RUSF1: variants seen among roughly 807,000 people sequenced by gnomAD.
RUSF1 encodes RUS1 family protein C16orf58.
RUSF1 carries 58 observed loss-of-function variants against 63.0 expected under a neutral mutation model. The ratio of observed to expected loss-of-function variants is 0.92; its 90% CI spans 0.75 to 1.15. The LOEUF is 1.15. Among genes scored for constraint, RUSF1 ranks in the 50% most tolerant of loss-of-function variants. RUSF1 has a pLI of 0.00. For missense variants in RUSF1, 652 were observed against 611.0 expected (o/e 1.07, Z -0.71); for synonymous variants, 274 against 255.8 (o/e 1.07, Z -0.68).
chr16:31,491,901 A>G (rs2082571120), intron 12 of RUSF1, 108 bp downstream of exon 12: 9 of 1,236,748 alleles, frequency 7.3e-6, no homozygotes, highest in Non-Finnish European at 1.0e-5. Flanking sequence ...ACCAGGCCCA[A>G]GAACCCAAGT....
At chr16:31,503,919 C>T (rs375664755) in intron 2 of RUSF1, among the ~76,000 whole-genome samples, 2 of 152,238 alleles carry the variant, frequency 1.3e-5, no homozygotes, top group East Asian at 1.9e-4. Context: ...GCCTCAGCCT[C>T]CCAAAGTGCT....
intron 10 of RUSF1, 124 bp downstream of exon 10, chr16:31,492,854 G>A (rs1156822815): frequency 2.3e-6 from 2 of 878,916 alleles, no homozygotes; most frequent in African/African-American, 1.7e-5. Context: ...TAATTTGAAC[G>A]GTCTAGAGCA....
chr16:31,490,919 G>A lies in RUSF1; in HGVS notation c.1323C>T (p.Ala441=), dbSNP rs568006116. ...GCTGGTGCTTCTCGGTCTTCCAGCC[G>A]GCATCCTGCAGTCCTGGGGAGAGAT... ...FPKFLKGLQD[A]GWKTEKHQLE... is the part of the protein sequence containing the mutation. Residue 441 remains alanine (A), a synonymous_variant, in exon 13 of 13, where the codon GCC becomes GCT. Transcript: ENST00000327237. 1.5e-5 allele frequency: 24 copies of A among 1,614,050 alleles called. No individual in the cohort carries two copies. In the Admixed American group the frequency reaches 2.2e-4, roughly 15 times the overall value.
chr16:31,501,390 T>C (rs957253702), intron 2 of RUSF1, among the ~76,000 whole-genome samples: 1 of 150,640 alleles, frequency 6.6e-6, no homozygotes, highest in South Asian at 2.1e-4. Context: ...AGGCCAGGAG[T>C]TCAAGACCAG....
At chr16:31,492,524 T>C (rs1344346362) in intron 10 of RUSF1, among the ~76,000 whole-genome samples, 184 bp from the exon 11 acceptor site, 1 of 152,208 alleles carries the variant, frequency 6.6e-6, no homozygotes, top group Non-Finnish European at 1.5e-5. Flanking sequence ...ACTGACCAAT[T>C]TCCAAATACA....
chr16:31,499,964 A>G (rs1310277120), intron 3 of RUSF1, among the ~76,000 whole-genome samples: 1 of 152,134 alleles, frequency 6.6e-6, no homozygotes. Context: ...CACAGGGGAT[A>G]TGATTTCCCT....
chr16:31,499,344 T>C lies in RUSF1; in HGVS notation c.558A>G (p.Pro186=), dbSNP rs2082620746. The stretch of plus-strand genomic sequence containing the variant: ...TGGAGACGGTCATGGTGAAACAGAT[T>C]GGGTATACAGGAGCCATAATCTCAA... ...MFLEIMAPVY[P]ICFTMTVSTS... The change falls in exon 5 of 13, where the codon CCA becomes CCG. Residue 186 remains proline, a synonymous_variant. Coordinates refer to ENST00000327237, the MANE Select transcript of RUSF1 (RefSeq NM_022744.4). The C allele has an allele frequency of 6.2e-7, 1 of 1,613,550 alleles. No individual in the cohort carries two copies. The highest frequency in any genetic ancestry group is 1.3e-5 in the African/African-American group (1 of 74,802).
chr16:31,503,469 C>T (rs1162381282), intron 2 of RUSF1, among the ~76,000 whole-genome samples: 1 of 152,122 alleles, frequency 6.6e-6, no homozygotes, highest in Non-Finnish European at 1.5e-5. Flanking sequence ...AAAATATTAG[C>T]AACAAGTTTT....
intron 12 of RUSF1, 58 bp downstream of exon 12, chr16:31,491,951 C>CG: frequency 6.3e-7 from 1 of 1,581,992 alleles, no homozygotes; most frequent in South Asian, 1.1e-5. Flanking sequence ...TGGGGGAAGG[C>CG]GGGGCCCCCA....
chr16:31,496,936 A>T lies in RUSF1; in HGVS notation c.615T>A (p.Val205=). 1.2e-6 allele frequency: 2 copies of T among 1,607,872 alleles called. No individual in the cohort carries two copies. Among genetic ancestry groups the T allele is most frequent in the Non-Finnish European group, 1.7e-6 (2 of 1,177,718 alleles). The change falls in exon 6 of 13, where the codon GTT becomes GTA. Residue 205 remains valine (V), a synonymous_variant. Coordinates refer to ENST00000327237, the MANE Select transcript of RUSF1 (RefSeq NM_022744.4). The part of the protein sequence containing the change: ...TSNLAKCIVS[V]AGGATRAALT... ...GGGCAGCCCGAGTGGCCCCACCAGC[A>T]ACACTCACGATGCACTGGGTGGGAG...
At chr16:31,504,179 C>T (rs1206056220) in intron 2 of RUSF1, among the ~76,000 whole-genome samples, 1 of 151,904 alleles carries the variant, frequency 6.6e-6, no homozygotes, top group Non-Finnish European at 1.5e-5. Context: ...GGATTATAGG[C>T]GTGAGCCACG....
chr16:31,503,820 G>A (rs1307576041), intron 2 of RUSF1, among the ~76,000 whole-genome samples: 1 of 152,146 alleles, frequency 6.6e-6, no homozygotes, highest in Non-Finnish European at 1.5e-5. Context: ...ACACAACCAT[G>A]CCTGGCTAAT....
rs747744579 is a variant in RUSF1 at position 31,493,053 on chromosome 16, G to T, written c.1017-5C>A. On this transcript the variant is annotated splice_polypyrimidine_tract_variant and splice_region_variant and intron_variant, in intron 9 of 12. Coordinates refer to ENST00000327237, the MANE Select transcript of RUSF1 (RefSeq NM_022744.4). Reference sequence around the variant, plus strand: ...AGCTGCTGCAGCTCAAAGACACTGTGGGGGAGAGGACAGTGCAGTGGGGGT... The same window carrying T: ...AGCTGCTGCAGCTCAAAGACACTGTTGGGGAGAGGACAGTGCAGTGGGGGT... 20 of 1,613,652 alleles carry T rather than the reference G, an allele frequency of 1.2e-5. No individual in the cohort carries two copies. Among genetic ancestry groups the T allele is most frequent in the Non-Finnish European group, 1.6e-5 (19 of 1,179,800 alleles).
intron 2 of RUSF1, among the ~76,000 whole-genome samples, chr16:31,506,803 T>C (rs1048735343): frequency 6.7e-6 from 1 of 150,030 alleles, no homozygotes; most frequent in African/African-American, 2.5e-5. Flanking sequence ...AAAAAAAAAA[T>C]AGAGATGGGG....
rs144399155 is a variant in RUSF1 at position 31,490,406 on chromosome 16, G to A, written c.*429C>T. 1 of 1,613,594 alleles carries A rather than the reference G, an allele frequency of 6.2e-7. No individual in the cohort carries two copies. The highest frequency in any genetic ancestry group is 8.5e-7 in the Non-Finnish European group (1 of 1,179,922). The stretch of plus-strand genomic sequence containing the variant: ...TGGGCAGTCCTCCGCCCCTTACCCA[G>A]GAGGAGGCAGCGGCAGCAGCCAGGC... On this transcript the variant is annotated 3_prime_UTR_variant, in exon 13 of 13. Coordinates refer to ENST00000327237, the MANE Select transcript of RUSF1 (RefSeq NM_022744.4).
intron 10 of RUSF1, 74 bp downstream of exon 10, chr16:31,492,904 G>A: frequency 6.8e-7 from 1 of 1,469,654 alleles, no homozygotes; most frequent in African/African-American, 1.4e-5. Flanking sequence ...CCAGAGCTCG[G>A]GGCCCTAGGT....
At chr16:31,497,223 C>G (rs926007184) in intron 5 of RUSF1, among the ~76,000 whole-genome samples, 1 of 151,808 alleles carries the variant, frequency 6.6e-6, no homozygotes, top group Non-Finnish European at 1.5e-5. Context: ...GCCCAGAACT[C>G]CCAGCCCTCC....
In RUSF1 at chr16:31,508,261, C is replaced by A; in HGVS notation, c.113G>T (p.Gly38Val). 6.4e-7 allele frequency: 1 copy of A among 1,565,310 alleles called. No homozygotes were observed. The highest frequency in any genetic ancestry group is 8.7e-7 in the Non-Finnish European group (1 of 1,155,460). The change falls in exon 1 of 13, where the codon GGC becomes GTC. Residue 38 changes from glycine to valine, a missense_variant. Coordinates refer to ENST00000327237, the MANE Select transcript of RUSF1 (RefSeq NM_022744.4). ...CCTGGAGAGCCCCCACCAGCGCCAG[C>A]CCCCGACCTCCCACTGCAGGCTCCC... ...ADGSLQWEVG[G>V]WRWWGLSRAF...
Position 31,493,910 on chromosome 16 carries a change from G to C in RUSF1, c.729C>G (p.Leu243=). The C allele has an allele frequency of 6.2e-7, 1 of 1,614,178 alleles. No homozygotes were observed. The highest frequency in any genetic ancestry group is 8.5e-7 in the Non-Finnish European group (1 of 1,180,030). ...GAGGGAGCATCAGGAGGCTGACCAA[G>C]AGCCCCGCCAGGTTCACCAGCGTCT... is the stretch of plus-strand genomic sequence containing the variant. The part of the protein sequence containing the change: ...SQETLVNLAG[L]LVSLLMLPLV... The change falls in exon 7 of 13, where the codon CTC becomes CTG. Residue 243 remains leucine (L), a synonymous_variant. Transcript: ENST00000327237.
Sources: gnomAD v4.1 joint callset for allele counts (sites outside exome capture counted in the v4.1 genomes callset) on GRCh38, gnomAD v4.1.1 for gene constraint, MANE v1.5 for transcripts, NCBI Gene and HGNC (gene_info 2026-07-23, HGNC 2026-07-21) for gene names.